DAPK2: variants seen among roughly 807,000 people sequenced by gnomAD.
DAPK2 encodes the protein death associated protein kinase 2.
DAPK2 carries 35 observed loss-of-function variants against 44.1 expected under a neutral mutation model. The ratio of observed to expected loss-of-function variants is 0.79; its 90% CI spans 0.61 to 1.05. The LOEUF (loss-of-function observed/expected upper bound fraction) is 1.05. Ranked by LOEUF, DAPK2 falls within the 50% of genes least tolerant of loss-of-function variation. The pLI, the probability that DAPK2 is intolerant of heterozygous loss-of-function variation, is 0.00. For synonymous variants in DAPK2, 174 were observed against 182.6 expected, an observed-to-expected ratio of 0.95 and a Z score of 0.38; for missense variants, 453 against 483.2, an observed-to-expected ratio of 0.94 and a Z score of 0.59.
intron 3 of DAPK2, among the ~76,000 whole-genome samples, chr15:63,970,088 GCCCCAGCCTCCAGGCTGT>G (rs2078169731): frequency 6.6e-6 from 1 of 152,158 alleles, no homozygotes; most frequent in Non-Finnish European, 1.5e-5. Context: ...TCCTAGCTGA[GCCCCAGCCTCCAGGCTGT>G]CTCCAGCCTA....
intron 8 of DAPK2, chr15:63,922,290 C>G: frequency 2.0e-6 from 2 of 992,852 alleles, no homozygotes; most frequent in Non-Finnish European, 2.4e-6. Context: ...ATTGTAAATC[C>G]CTGCTTCTGT....
intron 1 of DAPK2, among the ~76,000 whole-genome samples, chr15:64,045,533 C>A (rs1454008938): frequency 6.6e-6 from 1 of 152,198 alleles, no homozygotes; most frequent in Non-Finnish European, 1.5e-5. Flanking sequence ...AGCTATGGTG[C>A]CCTCTCCTCC....
At chr15:64,022,074 G>A (rs758195542) in intron 1 of DAPK2, among the ~76,000 whole-genome samples, 12 of 152,144 alleles carry the variant, frequency 7.9e-5, no homozygotes, top group African/African-American at 2.7e-4. Context: ...AAAGAGGAAA[G>A]CAGGGTAACA....
At chr15:63,991,304 G>T in intron 1 of DAPK2, 1 of 456,306 alleles carries the variant, frequency 2.2e-6, no homozygotes, top group South Asian at 1.5e-5. Flanking sequence ...CAGCAGCAAA[G>T]TCAGCAGCAG....
chr15:63,989,672 C>CAT (rs1307838852), intron 1 of DAPK2, among the ~76,000 whole-genome samples: 1 of 152,102 alleles, frequency 6.6e-6, no homozygotes, highest in Non-Finnish European at 1.5e-5. Context: ...TACATACACA[C>CAT]ACATACATAC....
Position 63,966,171 on chromosome 15 carries a change from C to G in DAPK2, c.453+5252G>C, listed in dbSNP as rs148992543. Among the ~76,000 whole-genome samples, 6 of 152,312 alleles carry G rather than the reference C, an allele frequency of 3.9e-5. No individual in the cohort carries two copies. The highest frequency in any genetic ancestry group is 7.4e-5 in the Non-Finnish European group (5 of 68,024). On this transcript the variant is annotated intron_variant, in intron 3 of 10. Coordinates refer to ENST00000261891, the Ensembl canonical transcript of DAPK2. This position sits in a 1 kb window ranked among gnomAD's most constrained non-coding sequence, Gnocchi z 5.5. ...TGAATCCTGCCAGGACTGGGTCCTT[C>G]CCTTCAAGGCAGTGGATTCCCTTCT...
chr15:63,946,615 A>G (rs941885651), intron 3 of DAPK2, among the ~76,000 whole-genome samples: 1 of 152,190 alleles, frequency 6.6e-6, no homozygotes, highest in African/African-American at 2.4e-5. Context: ...GGGAGCTCAC[A>G]ATGTTGGGGC....
intron 1 of DAPK2, among the ~76,000 whole-genome samples, chr15:64,038,115 T>C (rs149883878): frequency 3.9e-5 from 6 of 152,304 alleles, no homozygotes; most frequent in Non-Finnish European, 8.8e-5. Context: ...CCCAGGAAAC[T>C]GCTTCTACTT....
At chr15:63,985,073 T>C (rs1260044232) in intron 1 of DAPK2, among the ~76,000 whole-genome samples, 1 of 152,194 alleles carries the variant, frequency 6.6e-6, no homozygotes, top group East Asian at 1.9e-4. Flanking sequence ...CAATCAACAC[T>C]GTCTGGGCAT....
chr15:64,003,015 T>TGTGTGTGTGTGTGTG (rs71447359), intron 1 of DAPK2, among the ~76,000 whole-genome samples: 6 of 133,408 alleles, frequency 4.5e-5, no homozygotes, highest in South Asian at 2.4e-4. Flanking sequence ...TGTGTGTGTG[T>TGTGTGTGTGTGTGTG]CGTGGGACCA....
At chr15:63,927,306 G>T (rs563524642) in intron 6 of DAPK2, among the ~76,000 whole-genome samples, 1 of 151,986 alleles carries the variant, frequency 6.6e-6, no homozygotes, top group African/African-American at 2.4e-5. Context: ...CTTACCCCAC[G>T]CTTGGTACAC....
intron 3 of DAPK2, among the ~76,000 whole-genome samples, chr15:63,962,358 G>A (rs1172715558): frequency 6.6e-6 from 1 of 152,256 alleles, no homozygotes; most frequent in Non-Finnish European, 1.5e-5. Flanking sequence ...ACTTGTCAAA[G>A]TCATTCTCCG....
intron 1 of DAPK2, among the ~76,000 whole-genome samples, chr15:64,025,997 C>A (rs1008666541): frequency 6.6e-6 from 1 of 152,184 alleles, no homozygotes; most frequent in East Asian, 1.9e-4. Context: ...GGCTGTAGGG[C>A]TATAGTTTTC....
Position 63,980,043 on chromosome 15 carries a change from A to G in DAPK2, c.314+3490T>C, listed in dbSNP as rs1364912747. On this transcript the variant is annotated intron_variant, in intron 2 of 10. Transcript: ENST00000261891. The surrounding 1 kb of genome is among the most constrained non-coding windows in gnomAD (Gnocchi z 4.3). ...CGCTTGGGTCTTCTCCAATCTCATA[A>G]ATTCTTAGCAGTCCATAGACAGGCA... Among the ~76,000 whole-genome samples, 2 of 152,308 alleles carry G rather than the reference A, an allele frequency of 1.3e-5. No individual in the cohort carries two copies. Among genetic ancestry groups the G allele is most frequent in the East Asian group, 3.9e-4 (2 of 5,186 alleles).
rs774018261 is a variant in DAPK2, at chr15:63,908,138, G to A, written c.*382C>T. 2.3e-4 allele frequency: 37 copies of A among 157,654 alleles called. No individual in the cohort carries two copies. The highest frequency in any genetic ancestry group is 6.1e-4 in the South Asian group (3 of 4,880). The allele number at this position is 157,654 out of a possible 1,614,324, so 9.8% of individuals were successfully genotyped here. On this transcript the variant is annotated 3_prime_UTR_variant, in exon 11 of 11. Coordinates refer to ENST00000261891, the Ensembl canonical transcript of DAPK2. The surrounding 1 kb of genome is among the most constrained non-coding windows in gnomAD (Gnocchi z 5.7). ...CTCTGTCTCTCTGGTGTAATTTTTG[G>A]CCAGGCTGGTTCTGAACCCCCTCAG...
chr15:64,042,914 T>C (rs1381805145), upstream of DAPK2, among the ~76,000 whole-genome samples: 1 of 152,214 alleles, frequency 6.6e-6, no homozygotes, highest in East Asian at 1.9e-4. The surrounding 1 kb of genome is among the most constrained non-coding windows in gnomAD (Gnocchi z 4.7). Flanking sequence ...CAGATGACAA[T>C]TCTCCACCTC....
chr15:64,037,731 C>T (rs1010067039), intron 1 of DAPK2, among the ~76,000 whole-genome samples: 2 of 152,148 alleles, frequency 1.3e-5, no homozygotes, highest in African/African-American at 4.8e-5. Flanking sequence ...CAGGCAAGAC[C>T]CTTCCCTTCT....
At chr15:64,034,696 G>A (rs12905356) in intron 1 of DAPK2, among the ~76,000 whole-genome samples, 68,789 of 152,072 alleles carry the variant, frequency 0.45, 18,848 homozygotes, top group East Asian at 0.77. Context: ...GTCGGTAGTC[G>A]AGAAGTTTCT....
intron 3 of DAPK2, among the ~76,000 whole-genome samples, chr15:63,967,014 C>T (rs893615863): frequency 6.6e-6 from 1 of 151,904 alleles, no homozygotes; most frequent in South Asian, 2.1e-4. Context: ...CCCGTCTCTA[C>T]TAAAAATACA....
Sources: gnomAD v4.1 joint callset for allele counts (sites outside exome capture counted in the v4.1 genomes callset) on GRCh38, gnomAD v4.1.1 for gene constraint, Gnocchi (gnomAD v3.1) non-coding constraint, MANE v1.5 for transcripts, NCBI Gene and HGNC (gene_info 2026-07-23, HGNC 2026-07-21) for gene names.